Variants in NRP2 observed in about 807,000 individuals in gnomAD.
NRP2 encodes the protein neuropilin-2.
A neutral mutation model predicts 110.4 loss-of-function variants in NRP2; 52 were observed. The observed-to-expected ratio is 0.47, with a 90% confidence interval of 0.38 to 0.59. NRP2 has a LOEUF of 0.59. NRP2 is among the 20% of genes least tolerant of loss of function. NRP2 has a pLI of 0.00. For synonymous variants in NRP2, 508 were observed against 468.9 expected (o/e 1.08, Z -1.08); for missense variants, 1,049 against 1,203.0 (o/e 0.87, Z 1.89).
intron 15 of NRP2, among the ~76,000 whole-genome samples, chr2:205,790,008 G>A (rs941083730): frequency 1.8e-4 from 27 of 152,158 alleles, no homozygotes; most frequent in Admixed American, 5.2e-4. Flanking sequence ...TTAAGGCTTG[G>A]TGAACAGATG....
intron 15 of NRP2, among the ~76,000 whole-genome samples, chr2:205,771,236 C>T (rs1001689662): frequency 2.0e-5 from 3 of 152,230 alleles, no homozygotes; most frequent in Admixed American, 1.3e-4. Context: ...ACACCATGCT[C>T]ATAAGGCAGA....
At position 205,763,770 on chromosome 2, in the gene NRP2, T is replaced by A; in HGVS notation, c.2141T>A (p.Val714Glu). The A allele has an allele frequency of 6.2e-7, 1 of 1,614,186 alleles. No homozygotes were observed. Among genetic ancestry groups the A allele is most frequent in the Non-Finnish European group, 8.5e-7 (1 of 1,180,018 alleles). Residue 714 changes from valine (V) to glutamate (E), a missense_variant, in exon 13 of 17, where the codon GTG (valine) becomes GAG (glutamate). Coordinates refer to ENST00000357785, the MANE Select transcript of NRP2 (RefSeq NM_003872.3). This position sits in a 1 kb window ranked among gnomAD's most constrained non-coding sequence, Gnocchi z 4.0. The part of the protein sequence containing the change: ...SPPVHLPRSP[V>E]CMEFQYQATG... ...CCTGTCCACCTGCCCCGAAGCCCGGTGTGCATGGAGTTCCAGTACCAGGCC... is the reference window on the plus strand; with the variant it reads ...CCTGTCCACCTGCCCCGAAGCCCGGAGTGCATGGAGTTCCAGTACCAGGCC...
At chr2:205,790,433 C>G (rs1398157898) in intron 15 of NRP2, among the ~76,000 whole-genome samples, 2 of 152,098 alleles carry the variant, frequency 1.3e-5, no homozygotes, top group African/African-American at 4.8e-5. Flanking sequence ...TTCTAGCCTC[C>G]AAGAATTCAT....
At chr2:205,693,613 T>C (rs1355002569) in intron 1 of NRP2, among the ~76,000 whole-genome samples, 1 of 152,220 alleles carries the variant, frequency 6.6e-6, no homozygotes, top group African/African-American at 2.4e-5. Context: ...TTTGTGAAGC[T>C]GAGCCCCAGA....
chr2:205,794,892 T>G lies in NRP2; in HGVS notation c.2615T>G (p.Val872Gly), dbSNP rs556934389. The G allele has an allele frequency of 1.2e-6, 2 of 1,614,134 alleles. No homozygotes were observed. Among genetic ancestry groups the G allele is most frequent in the South Asian group, 2.2e-5 (2 of 91,084 alleles). Residue 872 changes from valine to glycine, a missense_variant, in exon 17 of 17, where the codon GTC (valine) becomes GGC (glycine). Val to Gly is a moderately radical substitution (Grantham distance 109). Coordinates refer to ENST00000357785, the MANE Select transcript of NRP2 (RefSeq NM_003872.3). The stretch of plus-strand genomic sequence containing the variant: ...ATCATCGCCATGAGCTCACTGGGCG[T>G]CCTCCTGGGGGCCACCTGTGCAGGC... Reference protein sequence around the residue: ...ITIIAMSSLGVLLGATCAGLL... With the variant: ...ITIIAMSSLGGLLGATCAGLL...
At chr2:205,710,083 G>C (rs2056766342) in intron 2 of NRP2, among the ~76,000 whole-genome samples, 1 of 152,166 alleles carries the variant, frequency 6.6e-6, no homozygotes, top group Non-Finnish European at 1.5e-5. Flanking sequence ...GCAAGATTCT[G>C]TTAAGTCTCT....
intron 15 of NRP2, among the ~76,000 whole-genome samples, chr2:205,768,690 C>T (rs1265993014): frequency 6.6e-6 from 1 of 152,152 alleles, no homozygotes; most frequent in Non-Finnish European, 1.5e-5. Flanking sequence ...GGCTTAGTAA[C>T]TTGAAGGTAA....
intron 1 of NRP2, 131 bp from the exon 2 acceptor site, chr2:205,697,413 C>A: frequency 3.4e-6 from 3 of 893,080 alleles, no homozygotes; most frequent in South Asian, 1.3e-5. Flanking sequence ...GTAGGTTAGT[C>A]TTCTGGACTG....
intron 3 of NRP2, among the ~76,000 whole-genome samples, chr2:205,717,832 C>T (rs1350191124): frequency 6.6e-6 from 1 of 152,210 alleles, no homozygotes; most frequent in African/African-American, 2.4e-5. Flanking sequence ...AAAGGGGATG[C>T]TTGCTCTCTT....
chr2:205,723,411 C>T (rs1352083957), intron 4 of NRP2, among the ~76,000 whole-genome samples: 1 of 152,154 alleles, frequency 6.6e-6, no homozygotes, highest in Admixed American at 6.5e-5. Flanking sequence ...AGTCAGAAAA[C>T]TTGGGTTGTA....
chr2:205,785,372 T>TC (rs1473881394), intron 15 of NRP2, among the ~76,000 whole-genome samples: 1 of 151,954 alleles, frequency 6.6e-6, no homozygotes, highest in African/African-American at 2.4e-5. Flanking sequence ...CATGACTTTT[T>TC]CCCCTAGCAT....
intron 13 of NRP2, 162 bp downstream of exon 13, chr2:205,764,098 C>A: frequency 1.1e-6 from 1 of 880,946 alleles, no homozygotes; most frequent in Non-Finnish European, 1.7e-6. Context: ...CAGAATATGC[C>A]TATCTCTACA....
chr2:205,722,965 T>C (rs2057051919), intron 4 of NRP2, among the ~76,000 whole-genome samples: 1 of 152,156 alleles, frequency 6.6e-6, no homozygotes. Context: ...AAACTTAAAG[T>C]GTTCATTTCT....
intron 15 of NRP2, among the ~76,000 whole-genome samples, chr2:205,788,156 C>A (rs1049203213): frequency 1.3e-5 from 2 of 152,058 alleles, no homozygotes; most frequent in African/African-American, 4.8e-5. Context: ...CATGCCTCAC[C>A]GTGTACCTAC....
chr2:205,716,577 C>CGGG (rs940563565), intron 3 of NRP2, among the ~76,000 whole-genome samples: 7 of 3,572 alleles, frequency 2.0e-3, no homozygotes, highest in African/African-American at 6.7e-3. Flanking sequence ...GGGCTGTGGG[C>CGGG]GGGGGGGTGG....
At chr2:205,702,908 C>T (rs1379910357) in intron 2 of NRP2, among the ~76,000 whole-genome samples, 4 of 152,224 alleles carry the variant, frequency 2.6e-5, no homozygotes, top group African/African-American at 9.6e-5. Flanking sequence ...TCCTTGCTTC[C>T]TGCAGTTCCC....
At chr2:205,771,286 C>T (rs577335734) in intron 15 of NRP2, among the ~76,000 whole-genome samples, 2 of 152,182 alleles carry the variant, frequency 1.3e-5, no homozygotes, top group Admixed American at 6.5e-5. Flanking sequence ...TGTGCTTGTG[C>T]GTCTTTTTTC....
At chr2:205,740,473 T>G (rs2057419673) in intron 7 of NRP2, 46 bp from the exon 8 acceptor site, 1 of 1,612,416 alleles carries the variant, frequency 6.2e-7, no homozygotes, top group African/African-American at 1.3e-5. Flanking sequence ...GTGGCTGAAC[T>G]ACAAACAGGG....
intron 10 of NRP2, among the ~76,000 whole-genome samples, chr2:205,749,042 T>G (rs1432132730): frequency 6.6e-6 from 1 of 152,138 alleles, no homozygotes; most frequent in African/African-American, 2.4e-5. Flanking sequence ...GATTTTTGCT[T>G]TCTTGTTGGG....
Sources: gnomAD v4.1 joint callset for allele counts (sites outside exome capture counted in the v4.1 genomes callset) on GRCh38, gnomAD v4.1.1 for gene constraint, Gnocchi (gnomAD v3.1) non-coding constraint, MANE v1.5 for transcripts, NCBI Gene and HGNC (gene_info 2026-07-23, HGNC 2026-07-21) for gene names.